Variants in POLR1A observed in about 807,000 individuals in gnomAD.
The protein encoded by POLR1A is RNA polymerase I subunit A, also known as DNA-directed RNA polymerase I subunit RPA1.
A neutral mutation model predicts 205.3 loss-of-function variants in POLR1A; 84 were observed. The observed-to-expected ratio is 0.41, with a 90% CI of 0.34 to 0.49. The LOEUF (loss-of-function observed/expected upper bound fraction) is 0.49. POLR1A is among the 20% of genes least tolerant of loss of function. POLR1A has a pLI of 0.22. For missense variants in POLR1A, 1,645 were observed against 2,204.5 expected (o/e 0.75, Z 5.08); for synonymous variants, 799 against 863.7 (o/e 0.93, Z 1.31).
intron 1 of POLR1A, 68 bp downstream of exon 1, chr2:86,105,632 T>C: frequency 9.3e-7 from 1 of 1,070,096 alleles, no homozygotes. Flanking sequence ...AAAGCGCTTC[T>C]GGGAATCGTA....
intron 14 of POLR1A, among the ~76,000 whole-genome samples, chr2:86,061,515 C>A (rs1361386591): frequency 6.6e-6 from 1 of 152,154 alleles, no homozygotes; most frequent in Non-Finnish European, 1.5e-5. Flanking sequence ...TAATTCCATG[C>A]CTCAATAGTT....
At chr2:86,042,744 C>T (rs371436216) in intron 23 of POLR1A, among the ~76,000 whole-genome samples, 3 of 150,352 alleles carry the variant, frequency 2.0e-5, no homozygotes, top group Non-Finnish European at 4.4e-5. Context: ...CCTGGGATCG[C>T]GGGGAACCCC....
chr2:86,040,545 A>G lies in POLR1A; in HGVS notation c.3587T>C (p.Leu1196Pro). 2 of 1,585,876 alleles carry G rather than the reference A, an allele frequency of 1.3e-6. No homozygotes were observed. The highest frequency in any genetic ancestry group is 1.7e-6 in the Non-Finnish European group (2 of 1,164,896). Residue 1196 changes from leucine (L) to proline (P), a missense_variant, in exon 25 of 34, where the codon CTG becomes CCG. Physicochemically the swap from Leu to Pro is moderately conservative, Grantham distance 98. Around this residue, in one of 16 missense-constraint regions of POLR1A, gnomAD observed 201 missense variants for 222.3 expected, o/e 0.90. Transcript: ENST00000263857. ...ELSLDRLRTL[L>P]QLKWQRSLCE... ...CAGTGAGCGCTGCCACTTCAGCTGCAGCAAGGTCCTCAACCTAGAGACGGT... is the reference window on the plus strand; with the variant it reads ...CAGTGAGCGCTGCCACTTCAGCTGCGGCAAGGTCCTCAACCTAGAGACGGT...
chr2:86,083,588 CTGAT>C (rs767162514), intron 6 of POLR1A, among the ~76,000 whole-genome samples: 1 of 152,104 alleles, frequency 6.6e-6, no homozygotes, highest in Non-Finnish European at 1.5e-5. Flanking sequence ...TAGCTTTTGC[CTGAT>C]CACCATTTTT....
At chr2:86,060,298 G>C (rs1020101865) in intron 14 of POLR1A, among the ~76,000 whole-genome samples, 1 of 152,062 alleles carries the variant, frequency 6.6e-6, no homozygotes, top group African/African-American at 2.4e-5. Flanking sequence ...TGCACAGTGT[G>C]AAAGTTTACA....
At chr2:86,031,759 C>T in intron 29 of POLR1A, 124 bp from the exon 30 acceptor site, 2 of 1,285,904 alleles carry the variant, frequency 1.6e-6, no homozygotes, top group Non-Finnish European at 2.1e-6. Context: ...CCACCTGCTC[C>T]ACACTCCCGG....
chr2:86,082,985 C>A (rs767889162), intron 7 of POLR1A, 97 bp downstream of exon 7: 333 of 898,558 alleles, frequency 3.7e-4, no homozygotes, highest in Non-Finnish European at 5.4e-4. Context: ...AAGCTACAAT[C>A]ACTACAACTT....
In POLR1A at chr2:86,023,337, ACT is replaced by A. The variant is rs1178184296; in HGVS notation, c.*4084_*4085del. 6.6e-6 allele frequency: 1 copy of A among 152,170 alleles called. No homozygotes were observed. The highest frequency in any genetic ancestry group is 1.9e-4 in the East Asian group (1 of 5,194). 9.4% of individuals were successfully genotyped at this position (152,170 alleles called of 1,614,324 possible). On this transcript the variant is annotated 3_prime_UTR_variant, in exon 34 of 34. Transcript: ENST00000263857. ...AGGTGGTATCACTCAACGATGAAAG[ACT>A]CAACGAACCAGCCTTTAACGACCAG...
intron 19 of POLR1A, among the ~76,000 whole-genome samples, chr2:86,046,713 G>A (rs1273991154): frequency 2.0e-5 from 3 of 151,842 alleles, no homozygotes; most frequent in Non-Finnish European, 4.4e-5. Context: ...GCATGGTGGC[G>A]CATGCCTGTA....
chr2:86,097,579 C>T (rs1482602107), intron 3 of POLR1A, among the ~76,000 whole-genome samples: 2 of 152,152 alleles, frequency 1.3e-5, no homozygotes, highest in Non-Finnish European at 2.9e-5. Flanking sequence ...GCATGAAATC[C>T]TGTCATTTGC....
intron 12 of POLR1A, among the ~76,000 whole-genome samples, chr2:86,072,816 T>C (rs1220188130): frequency 6.6e-6 from 1 of 152,214 alleles, no homozygotes; most frequent in Non-Finnish European, 1.5e-5. Context: ...TCACCTAGCC[T>C]GTGGTTCCTC....
chr2:86,048,753 C>T (rs779820436), intron 18 of POLR1A, 131 bp downstream of exon 18: 25 of 776,722 alleles, frequency 3.2e-5, no homozygotes, highest in Admixed American at 7.1e-5. Flanking sequence ...CCCATCCCAC[C>T]TCGCATCTCA....
intron 6 of POLR1A, among the ~76,000 whole-genome samples, chr2:86,087,982 A>C (rs927850219): frequency 7.2e-5 from 11 of 152,246 alleles, no homozygotes; most frequent in Non-Finnish European, 1.2e-4. Context: ...TGACCACTTC[A>C]GAATAAAAAC....
chr2:86,105,009 T>TA lies in POLR1A; in HGVS notation c.77+690dup, dbSNP rs1324619794. ...TCAACATTTAAGGAGTAAAATGAGG[T>TA]ACAGACCTTGCTCACCAATGTGTCA... On this transcript the variant is annotated intron_variant, in intron 1 of 33. Coordinates refer to ENST00000263857, the MANE Select transcript of POLR1A (RefSeq NM_015425.6). 2.0e-5 allele frequency among the ~76,000 whole-genome samples: 3 copies of TA among 152,308 alleles called. No homozygotes were observed. The East Asian group carries it at 5.8e-4, about 29-fold the overall frequency.
chr2:86,033,617 G>C (rs752060727), intron 28 of POLR1A, 44 bp downstream of exon 28: 12 of 1,601,388 alleles, frequency 7.5e-6, no homozygotes, highest in Non-Finnish European at 1.0e-5. Context: ...CCAGTCTGGG[G>C]GCTGTCCCTG....
At position 86,035,760 on chromosome 2, in the gene POLR1A, A is replaced by C. The variant is rs576182811; in HGVS notation, c.4035-1973T>G. 8.8e-4 allele frequency among the ~76,000 whole-genome samples: 134 copies of C among 152,264 alleles called. 1 individual carries two copies. The highest frequency in any genetic ancestry group is 3.1e-3 in the African/African-American group (129 of 41,536). On this transcript the variant is annotated intron_variant, in intron 27 of 33. Transcript: ENST00000263857. Reference sequence around the variant, plus strand: ...CCTACTGAAGCTGTACTCATCCTTCAAGGCCAGGCCTCAGCAGCTGTAACT... The same window carrying C: ...CCTACTGAAGCTGTACTCATCCTTCCAGGCCAGGCCTCAGCAGCTGTAACT...
At chr2:86,079,002 C>T (rs1263914107) in intron 9 of POLR1A, among the ~76,000 whole-genome samples, 1 of 152,154 alleles carries the variant, frequency 6.6e-6, no homozygotes, top group Non-Finnish European at 1.5e-5. Flanking sequence ...CTGGCCCAAT[C>T]GACTGGGTAT....
chr2:86,032,028 C>A (rs1672407335), intron 29 of POLR1A, among the ~76,000 whole-genome samples: 1 of 152,174 alleles, frequency 6.6e-6, no homozygotes, highest in African/African-American at 2.4e-5. Flanking sequence ...ATCCTTGAGT[C>A]CGATTTAAGT....
At chr2:86,081,847 T>C (rs1673409121) in intron 7 of POLR1A, 141 bp from the exon 8 acceptor site, 3 of 615,702 alleles carry the variant, frequency 4.9e-6, no homozygotes, top group African/African-American at 3.7e-5. Flanking sequence ...GTTTTCTTTT[T>C]TGAGAAAAGG....
Sources: allele counts gnomAD v4.1 joint callset (sites outside exome capture counted in the v4.1 genomes callset), GRCh38; gene constraint gnomAD v4.1.1; regional missense constraint gnomAD v4.1.1; transcripts MANE v1.5; gene names NCBI Gene and HGNC (gene_info 2026-07-23, HGNC 2026-07-21).